The following ABI3 variants were observed in gnomAD, a reference collection of about 807,000 sequenced individuals.
The protein encoded by ABI3 is ABI family member 3.
Under a neutral mutation model 37.0 loss-of-function variants are expected in ABI3, and 24 were observed. That is an observed-to-expected ratio of 0.65 (90% CI 0.47 to 0.91). ABI3 has a LOEUF of 0.91. Among genes scored for constraint, ABI3 ranks in the 40% least tolerant of loss-of-function variants. ABI3 has a pLI of 0.00. For synonymous variants in ABI3, 220 were observed against 211.8 expected (o/e 1.04, Z -0.34); for missense variants, 481 against 485.1 (o/e 0.99, Z 0.08).
In ABI3 at chr17:49,210,937, C is replaced by A; in HGVS notation, c.117+96C>A. On this transcript the variant is annotated intron_variant, in intron 1 of 7. Transcript: ENST00000225941. The surrounding 1 kb of genome is among the most constrained non-coding windows in gnomAD (Gnocchi z 4.2). ...GGCCCTGGGACCCATCCTGACAGTG[C>A]TTGTCCTGGGCCTTGGCTGAGAAAT... 1 of 1,001,016 alleles carries A rather than the reference C, an allele frequency of 1.0e-6. No homozygotes were observed. Among genetic ancestry groups the A allele is most frequent in the Non-Finnish European group, 1.5e-6 (1 of 681,228 alleles). The allele number at this position is 1,001,016 out of a possible 1,614,324, so 62.0% of individuals were successfully genotyped here.
intron 1 of ABI3, among the ~76,000 whole-genome samples, chr17:49,214,624 C>T (rs972996578): frequency 2.0e-5 from 3 of 152,322 alleles, no homozygotes; most frequent in African/African-American, 7.2e-5. Context: ...GCAGGAGAAT[C>T]GCTTGAACCC....
At chr17:49,222,426 C>CG in intron 7 of ABI3, 126 bp from the exon 8 acceptor site, 5 of 1,394,420 alleles carry the variant, frequency 3.6e-6, no homozygotes, top group Non-Finnish European at 4.9e-6. Flanking sequence ...TGAAGGCTTG[C>CG]AAGAAGGCCC....
At chr17:49,217,410 C>A (rs1244476540) in intron 2 of ABI3, among the ~76,000 whole-genome samples, 1 of 152,166 alleles carries the variant, frequency 6.6e-6, no homozygotes, top group African/African-American at 2.4e-5. Flanking sequence ...ATATTCTCCC[C>A]CTCTGCTCCG....
chr17:49,216,824 C>T (rs1035535498), intron 2 of ABI3, 126 bp downstream of exon 2: 1 of 1,188,066 alleles, frequency 8.4e-7, no homozygotes, highest in Non-Finnish European at 1.1e-6. Flanking sequence ...AACTCTACAG[C>T]AGAAGGTTGG....
intron 1 of ABI3, among the ~76,000 whole-genome samples, chr17:49,216,113 G>GAA (rs35665132): frequency 1.6e-5 from 2 of 125,290 alleles, no homozygotes; most frequent in Admixed American, 7.9e-5. Flanking sequence ...CTCCATCTCA[G>GAA]AAAAAAAAAA....
intron 1 of ABI3, among the ~76,000 whole-genome samples, chr17:49,215,797 A>G (rs976015002): frequency 6.8e-6 from 1 of 146,884 alleles, no homozygotes; most frequent in Non-Finnish European, 1.5e-5. Context: ...CGTGCCTGAC[A>G]TGGTTTGTTG....
In ABI3 at chr17:49,220,297, C is replaced by T. The variant is rs2143538496; in HGVS notation, c.773C>T (p.Thr258Met). 6.3e-7 allele frequency: 1 copy of T among 1,597,890 alleles called. No homozygotes were observed. Among genetic ancestry groups the T allele is most frequent in the Non-Finnish European group, 8.5e-7 (1 of 1,172,642 alleles). ...GTCGAGGTGTTCCAGCGGCCTCCCA[C>T]GCTGGAGGAGTTGTCCCCACCCCCA... is the stretch of plus-strand genomic sequence containing the variant. Reference protein sequence around the residue: ...AAVEVFQRPPTLEELSPPPPD... With the variant: ...AAVEVFQRPPMLEELSPPPPD... Residue 258 changes from threonine (T) to methionine (M), a missense_variant, in exon 6 of 8, where the codon ACG becomes ATG. Transcript: ENST00000225941.
chr17:49,211,901 C>A (rs61210847), intron 1 of ABI3, among the ~76,000 whole-genome samples: 1 of 151,564 alleles, frequency 6.6e-6, no homozygotes, highest in South Asian at 2.1e-4. Context: ...CCGCCTTGGC[C>A]TCCCAAAGTT....
Position 49,219,590 on chromosome 17 carries a change from C to T in ABI3, c.513C>T (p.Ile171=). ...CAGGCACCCTGTCTCGAAAGAGCAT[C>T]AAGGCCCCTGCCACACCCGCCTCCG... ...SRTGTLSRKS[I]KAPATPASAT... Residue 171 remains isoleucine, a synonymous_variant, in exon 4 of 8, where the codon ATC becomes ATT. Coordinates refer to ENST00000225941, the MANE Select transcript of ABI3 (RefSeq NM_016428.3). This position sits in a 1 kb window ranked among gnomAD's most constrained non-coding sequence, Gnocchi z 4.3. 6.2e-7 allele frequency: 1 copy of T among 1,600,584 alleles called. No individual in the cohort carries two copies. Among genetic ancestry groups the T allele is most frequent in the Non-Finnish European group, 8.5e-7 (1 of 1,173,958 alleles).
chr17:49,222,101 G>GC lies in ABI3; in HGVS notation c.817dup (p.Leu273ProfsTer15), dbSNP rs753029820. ...TGCTTTTCCCCCAAGACGAAGAGCTGCCCCTGCCACTGGACCTGCCTCCTC... is the reference window on the plus strand; with the variant it reads ...TGCTTTTCCCCCAAGACGAAGAGCTGCCCCCTGCCACTGGACCTGCCTCCTC... On this transcript the variant is annotated frameshift_variant, in exon 7 of 8. Coordinates refer to ENST00000225941, the MANE Select transcript of ABI3 (RefSeq NM_016428.3). LOFTEE classifies it high-confidence loss of function. 1 of 1,603,872 alleles carries GC rather than the reference G, an allele frequency of 6.2e-7. No homozygotes were observed. The highest frequency in any genetic ancestry group is 8.5e-7 in the Non-Finnish European group (1 of 1,175,282).
rs2043160013 is a variant in ABI3, at chr17:49,210,920, G to T, written c.117+79G>T. On this transcript the variant is annotated intron_variant, in intron 1 of 7. Coordinates refer to ENST00000225941, the MANE Select transcript of ABI3 (RefSeq NM_016428.3). This position sits in a 1 kb window ranked among gnomAD's most constrained non-coding sequence, Gnocchi z 4.2. ...AGCCCTGCCCCAAGTGGGGCCCTGG[G>T]ACCCATCCTGACAGTGCTTGTCCTG... The T allele has an allele frequency of 8.6e-7, 1 of 1,166,314 alleles. No homozygotes were observed. The highest frequency in any genetic ancestry group is 1.2e-6 in the Non-Finnish European group (1 of 824,774). 72.2% of individuals were successfully genotyped at this position (1,166,314 alleles called of 1,614,324 possible).
Position 49,220,175 on chromosome 17 carries a change from C to A in ABI3, c.651C>A (p.Ala217=), listed in dbSNP as rs76617033. ...CGGGCTCTCTGGTGTTCAGCAGCGCCGAAGGTGTCGGTGGGGCCCCCACGC... is the reference window on the plus strand; with the variant it reads ...CGGGCTCTCTGGTGTTCAGCAGCGCAGAAGGTGTCGGTGGGGCCCCCACGC... ...SAFSLASAGS[A]EGVGGAPTPK... The change falls in exon 6 of 8, where the codon GCC becomes GCA. Residue 217 remains alanine (A), a synonymous_variant. Transcript: ENST00000225941. 3.2e-3 allele frequency: 5,129 copies of A among 1,611,940 alleles called. 183 individuals are homozygous for A. The East Asian group carries it at 0.076, about 24-fold the overall frequency.
Position 49,222,590 on chromosome 17 carries a change from G to T in ABI3, c.976G>T (p.Glu326Ter). Residue 326 changes from glutamate (E) to a stop codon, truncating the protein, a stop_gained, in exon 8 of 8, where the codon GAG becomes TAG. Transcript: ENST00000225941. LOFTEE classifies it high-confidence loss of function. ...CCCATACACCAGCCAGAAGGACAATGAGCTCTCCTTCTCTGAGGGCACTGT... is the reference window on the plus strand; with the variant it reads ...CCCATACACCAGCCAGAAGGACAATTAGCTCTCCTTCTCTGAGGGCACTGT... ...LYPYTSQKDN[E>*]LSFSEGTVIC... 1 of 1,614,052 alleles carries T rather than the reference G, an allele frequency of 6.2e-7. No individual in the cohort carries two copies.
At position 49,223,111 on chromosome 17, in the gene ABI3, A is replaced by G. The variant is rs11545136; in HGVS notation, c.*396A>G. On this transcript the variant is annotated 3_prime_UTR_variant, in exon 8 of 8. Coordinates refer to ENST00000225941, the MANE Select transcript of ABI3 (RefSeq NM_016428.3). ...TACAGCCCCCAACCTCCAACCCACC[A>G]GCTGACCTAGAAGCAGCATCTTCCC... 1 of 419,294 alleles carries G rather than the reference A, an allele frequency of 2.4e-6. No individual in the cohort carries two copies. The highest frequency in any genetic ancestry group is 4.2e-6 in the Non-Finnish European group (1 of 238,208). 26.0% of individuals were successfully genotyped at this position (419,294 alleles called of 1,614,324 possible).
rs2233366 is a variant in ABI3, at chr17:49,210,880, G to C, written c.117+39G>C. ...GCGGAAGCCTGACACCCCAGCCCCC[G>C]GAGGGGGGACCCTGAGCCCTGCCCC... On this transcript the variant is annotated intron_variant, in intron 1 of 7. Coordinates refer to ENST00000225941, the MANE Select transcript of ABI3 (RefSeq NM_016428.3). The surrounding 1 kb of genome is among the most constrained non-coding windows in gnomAD (Gnocchi z 4.2). 6.6e-7 allele frequency: 1 copy of C among 1,505,106 alleles called. No individual in the cohort carries two copies. The highest frequency in any genetic ancestry group is 2.5e-5 in the East Asian group (1 of 40,330). The allele number at this position is 1,505,106 out of a possible 1,614,324, so 93.2% of individuals were successfully genotyped here. A position where few individuals can be genotyped will look rare whatever the true frequency, so the allele number is the denominator to read the frequency against.
intron 1 of ABI3, among the ~76,000 whole-genome samples, chr17:49,212,005 G>T (rs1383251961): frequency 6.7e-6 from 1 of 149,984 alleles, no homozygotes; most frequent in Non-Finnish European, 1.5e-5. Flanking sequence ...GCTGTGGCAT[G>T]ATCATAGCTC....
Position 49,217,769 on chromosome 17 carries a change from C to A in ABI3, c.316C>A (p.Arg106=), listed in dbSNP as rs771711245. The A allele has an allele frequency of 2.5e-6, 4 of 1,610,684 alleles. No individual in the cohort carries two copies. In the South Asian group the frequency reaches 4.4e-5, roughly 18 times the overall value. ...MVNMHMEKVA[R]REIGTLATVQ... is the part of the protein sequence containing the mutation. ...GAACATGCATATGGAGAAGGTGGCC[C>A]GAAGGGAGATCGGCACCTTAGCCAC... The change falls in exon 3 of 8, where the codon CGA becomes AGA. Residue 106 remains arginine, a synonymous_variant. Transcript: ENST00000225941.
chr17:49,220,020 C>T, intron 5 of ABI3, 67 bp downstream of exon 5: 1 of 1,529,564 alleles, frequency 6.5e-7, no homozygotes, highest in South Asian at 1.2e-5. Flanking sequence ...GGCCACCTGC[C>T]AGTGGTCATA....
At chr17:49,214,826 A>G (rs754766629) in intron 1 of ABI3, among the ~76,000 whole-genome samples, 2 of 152,208 alleles carry the variant, frequency 1.3e-5, no homozygotes, top group Non-Finnish European at 2.9e-5. Flanking sequence ...TACAGTGGGA[A>G]TGTGCCCAGA....
Sources: allele counts gnomAD v4.1 joint callset (sites outside exome capture counted in the v4.1 genomes callset), GRCh38; gene constraint gnomAD v4.1.1; non-coding constraint Gnocchi (gnomAD v3.1); transcripts MANE v1.5; gene names NCBI Gene and HGNC (gene_info 2026-07-23, HGNC 2026-07-21).